OLFML2B: variants seen among roughly 807,000 people sequenced by gnomAD.
OLFML2B encodes olfactomedin-like protein 2B.
A neutral mutation model predicts 74.9 loss-of-function variants in OLFML2B; 57 were observed. The ratio of observed to expected loss-of-function variants is 0.76; its 90% CI spans 0.61 to 0.95. OLFML2B has a LOEUF of 0.95. OLFML2B is among the 40% of genes least tolerant of loss of function. OLFML2B has a pLI of 0.00. For synonymous variants in OLFML2B, 388 were observed against 405.8 expected (o/e 0.96, Z 0.53); for missense variants, 986 against 970.6 (o/e 1.02, Z -0.21).
intron 1 of OLFML2B, among the ~76,000 whole-genome samples, chr1:162,021,037 A>G (rs1441615137): frequency 2.6e-5 from 4 of 152,354 alleles, no homozygotes; most frequent in Middle Eastern, 3.4e-3. Flanking sequence ...GCAGTCACAC[A>G]GAGTACAGAG....
chr1:162,007,221 T>C (rs16838136), intron 3 of OLFML2B, among the ~76,000 whole-genome samples: 3,412 of 152,258 alleles, frequency 0.022, 124 homozygotes, highest in African/African-American at 0.077. Context: ...GTAAGTATCC[T>C]TGGGGTTCTG....
intron 6 of OLFML2B, among the ~76,000 whole-genome samples, chr1:161,987,952 C>G (rs527425981): frequency 1.3e-5 from 2 of 152,300 alleles, no homozygotes; most frequent in East Asian, 3.9e-4. Flanking sequence ...GAGACCCAGA[C>G]GCATCACTGT....
At chr1:162,004,079 A>T (rs992740434) in intron 4 of OLFML2B, among the ~76,000 whole-genome samples, 3 of 152,186 alleles carry the variant, frequency 2.0e-5, no homozygotes, top group Non-Finnish European at 4.4e-5. Flanking sequence ...CATACCACAT[A>T]ATGTGTCATC....
Position 162,023,457 on chromosome 1 carries a change from C to A in OLFML2B, c.-27G>T, listed in dbSNP as rs748628905. On this transcript the variant is annotated 5_prime_UTR_variant, in exon 1 of 8. Transcript: ENST00000294794. ...AGGGGCGCGATAAGAGTGTCCTCAG[C>A]CCCTTCAGAGAATGGCTGGGGCGGG... 5 of 1,451,714 alleles carry A rather than the reference C, an allele frequency of 3.4e-6. No individual in the cohort carries two copies. The South Asian group carries it at 6.0e-5, about 17-fold the overall frequency. 89.9% of individuals were successfully genotyped at this position (1,451,714 alleles called of 1,614,324 possible).
chr1:162,006,264 G>C (rs758355798), intron 4 of OLFML2B, 33 bp downstream of exon 4: 2 of 1,515,200 alleles, frequency 1.3e-6, no homozygotes, highest in Non-Finnish European at 1.8e-6. Context: ...TCCAGGGCTT[G>C]TGATCAGAGG....
rs758416455 is a variant in OLFML2B at position 161,984,954 on chromosome 1, T to C, written c.1501A>G (p.Ile501Val). 2.5e-6 allele frequency: 4 copies of C among 1,610,860 alleles called. No individual in the cohort carries two copies. The highest frequency in any genetic ancestry group is 3.4e-5 in the Admixed American group (2 of 59,520). The stretch of plus-strand genomic sequence containing the variant: ...GTGTTCTGGGTGGTCGGCCCCGTGA[T>C]TGTGGAGAGAGTGTCCTTGCACCTT... The part of the protein sequence containing the change: ...IGRCKDTLST[I>V]TGPTTQNTYG... Residue 501 changes from isoleucine to valine, a missense_variant, in exon 7 of 8, where the codon ATC (isoleucine) becomes GTC (valine). Ile to Val is a conservative substitution (Grantham distance 29). Coordinates refer to ENST00000294794, the MANE Select transcript of OLFML2B (RefSeq NM_015441.3).
intron 6 of OLFML2B, among the ~76,000 whole-genome samples, chr1:161,988,524 G>A (rs1168855906): frequency 6.6e-6 from 1 of 151,640 alleles, no homozygotes; most frequent in Non-Finnish European, 1.5e-5. Flanking sequence ...TTTTTGCTTG[G>A]AAACTGAGGT....
chr1:162,018,065 G>T (rs1013885423), intron 2 of OLFML2B, among the ~76,000 whole-genome samples: 1 of 152,126 alleles, frequency 6.6e-6, no homozygotes, highest in African/African-American at 2.4e-5. Flanking sequence ...CTCACTTATA[G>T]GTGGGAGCTA....
chr1:162,023,475 G>A lies in OLFML2B; in HGVS notation c.-45C>T, dbSNP rs536887392. 1.0e-4 allele frequency: 142 copies of A among 1,397,098 alleles called. 2 individuals are homozygous for A. In the South Asian group the frequency reaches 2.2e-3, roughly 21 times the overall value. 86.5% of individuals were successfully genotyped at this position (1,397,098 alleles called of 1,614,324 possible). A position where few individuals can be genotyped will look rare whatever the true frequency, so the allele number is the denominator to read the frequency against. ...TCCTCAGCCCCTTCAGAGAATGGCT[G>A]GGGCGGGGGGTCTCGGCAAGGACTT... is the stretch of plus-strand genomic sequence containing the variant. On this transcript the variant is annotated 5_prime_UTR_variant, in exon 1 of 8. Coordinates refer to ENST00000294794, the MANE Select transcript of OLFML2B (RefSeq NM_015441.3).
In OLFML2B at chr1:161,983,832, G is replaced by C; in HGVS notation, c.2096C>G (p.Ala699Gly). 6.2e-7 allele frequency: 1 copy of C among 1,614,176 alleles called. No individual in the cohort carries two copies. Among genetic ancestry groups the C allele is most frequent in the Non-Finnish European group, 8.5e-7 (1 of 1,180,034 alleles). Residue 699 changes from alanine to glycine, a missense_variant, in exon 8 of 8, where the codon GCT becomes GGT. Ala to Gly is a moderately conservative substitution (Grantham distance 60, BLOSUM62 0). Coordinates refer to ENST00000294794, the MANE Select transcript of OLFML2B (RefSeq NM_015441.3). The part of the protein sequence containing the change: ...YNQRNANISY[A>G]FDTHTNTQIV... ...CTGTGTGTTGGTGTGGGTGTCGAAA[G>C]CGTAGGAGATGTTGGCATTCCGCTG... is the stretch of plus-strand genomic sequence containing the variant.
intron 2 of OLFML2B, 149 bp downstream of exon 2, chr1:162,019,770 A>T: frequency 9.9e-7 from 1 of 1,005,434 alleles, no homozygotes; most frequent in Non-Finnish European, 1.4e-6. Flanking sequence ...CAAGTTTGCT[A>T]GGACATCAAC....
At chr1:161,985,212 A>G (rs1033987695) in intron 6 of OLFML2B, 5 of 436,634 alleles carry the variant, frequency 1.1e-5, no homozygotes, top group Non-Finnish European at 8.1e-6. Flanking sequence ...CTTTCACACC[A>G]CTATGCTTTG....
intron 4 of OLFML2B, among the ~76,000 whole-genome samples, chr1:162,000,992 G>A (rs185931978): frequency 2.0e-4 from 30 of 152,188 alleles, no homozygotes; most frequent in Admixed American, 6.5e-5. Context: ...TGCACCCCAC[G>A]CCCTAGGCAC....
chr1:162,006,007 G>A (rs1690218779), intron 4 of OLFML2B, among the ~76,000 whole-genome samples: 2 of 149,348 alleles, frequency 1.3e-5, no homozygotes, highest in African/African-American at 2.5e-5. Flanking sequence ...ACAAACACAA[G>A]AGATGTTCAC....
chr1:162,018,972 C>T (rs577439888), intron 2 of OLFML2B, among the ~76,000 whole-genome samples: 1 of 152,334 alleles, frequency 6.6e-6, no homozygotes, highest in African/African-American at 2.4e-5. Context: ...AGAGTCTAAT[C>T]CTACAACTGA....
At chr1:162,002,714 A>T (rs2101964113) in intron 4 of OLFML2B, among the ~76,000 whole-genome samples, 1 of 152,296 alleles carries the variant, frequency 6.6e-6, no homozygotes, top group Admixed American at 6.5e-5. Context: ...CCTGAAAGGT[A>T]GGGGACATCC....
chr1:162,020,708 T>C lies in OLFML2B; in HGVS notation c.175-526A>G, dbSNP rs1198807212. Among the ~76,000 whole-genome samples the C allele has an allele frequency of 1.3e-5, 2 of 152,200 alleles. 1 individual carries two copies. Among genetic ancestry groups the C allele is most frequent in the East Asian group, 3.9e-4 (2 of 5,178 alleles). ...TGCCCAGCTAATTTTGTATTTTCAGTTTCACCATGTTTGCCAGGCTGGTCT... is the reference window on the plus strand; with the variant it reads ...TGCCCAGCTAATTTTGTATTTTCAGCTTCACCATGTTTGCCAGGCTGGTCT... On this transcript the variant is annotated intron_variant, in intron 1 of 7. Coordinates refer to ENST00000294794, the MANE Select transcript of OLFML2B (RefSeq NM_015441.3).
At chr1:162,000,650 T>A (rs1690058128) in intron 4 of OLFML2B, among the ~76,000 whole-genome samples, 1 of 152,192 alleles carries the variant, frequency 6.6e-6, no homozygotes, top group African/African-American at 2.4e-5. Context: ...GATGTCTGGT[T>A]CCAGAATCAG....
rs550282369 is a variant in OLFML2B, at chr1:161,998,203, C to A, written c.1096G>T (p.Ala366Ser). 1 of 1,613,976 alleles carries A rather than the reference C, an allele frequency of 6.2e-7. No individual in the cohort carries two copies. Residue 366 changes from alanine (A) to serine (S), a missense_variant, in exon 6 of 8, where the codon GCT becomes TCT. By Grantham distance (99) the Ala-to-Ser change is moderately conservative. Transcript: ENST00000294794. ...HSTAVTSDLN[A>S]RTAPWSSALP... is the part of the protein sequence containing the mutation. ...GCTGAGGACCAGGGTGCGGTCCGAG[C>A]GTTCAGGTCGCTTGTCACAGCAGTG...
Sources: allele counts gnomAD v4.1 joint callset (sites outside exome capture counted in the v4.1 genomes callset), GRCh38; gene constraint gnomAD v4.1.1; transcripts MANE v1.5; gene names NCBI Gene and HGNC (gene_info 2026-07-23, HGNC 2026-07-21).